Variants in SALL3 observed in about 807,000 individuals in gnomAD.
The protein encoded by SALL3 is spalt like transcription factor 3, also known as sal-like protein 3.
Under a neutral mutation model 66.2 loss-of-function variants are expected in SALL3, and 25 were observed. That is an observed-to-expected ratio of 0.38 (90% CI 0.28 to 0.53). SALL3 has a LOEUF of 0.53. Ranked by LOEUF, SALL3 falls within the 20% of genes least tolerant of loss-of-function variation. The pLI is 0.85. For synonymous variants in SALL3, 1,152 were observed against 899.1 expected, an observed-to-expected ratio of 1.28 and a Z score of -5.03; for missense variants, 2,194 against 1,916.5, an observed-to-expected ratio of 1.14 and a Z score of -2.70.
chr18:78,994,382 T>A lies in SALL3; in HGVS notation c.2391T>A (p.Asp797Glu). 1 of 1,613,260 alleles carries A rather than the reference T, an allele frequency of 6.2e-7. No individual in the cohort carries two copies. Among genetic ancestry groups the A allele is most frequent in the Non-Finnish European group, 8.5e-7 (1 of 1,179,984 alleles). Residue 797 changes from aspartate (D) to glutamate (E), a missense_variant, in exon 2 of 3, where the codon GAT (aspartate) becomes GAA (glutamate). Asp to Glu is a conservative substitution (Grantham distance 45, BLOSUM62 2). Transcript: ENST00000537592. ...DKNAETLSSY[D>E]DDMDENSMED... The stretch of plus-strand genomic sequence containing the variant: ...ACGCGGAGACCCTGAGCAGCTACGA[T>A]GACGACATGGACGAGAACTCCATGG...
Position 78,983,934 on chromosome 18 carries a change from C to CA in SALL3, c.82+3584dup, listed in dbSNP as rs138300140. On this transcript the variant is annotated intron_variant, in intron 1 of 2. Transcript: ENST00000537592. ...TAAAAGTGCACGTTTCTGTGATCAA[C>CA]AAAAAAGCATACCAATTAATTCCCA... Among the ~76,000 whole-genome samples, 437 of 152,238 alleles carry CA rather than the reference C, an allele frequency of 2.9e-3. 1 individual carries two copies. Among genetic ancestry groups the CA allele is most frequent in the African/African-American group, 0.01 (426 of 41,538 alleles).
intron 1 of SALL3, chr18:78,984,864 C>G (rs1225530577): frequency 6.6e-6 from 1 of 152,196 alleles, no homozygotes; most frequent in East Asian, 1.9e-4. Flanking sequence ...TCCGATAATG[C>G]CAGTGTGGTG....
In SALL3 at chr18:78,992,800, C is replaced by A; in HGVS notation, c.809C>A (p.Ala270Asp). 15 of 982,006 alleles carry A rather than the reference C, an allele frequency of 1.5e-5. No individual in the cohort carries two copies. The highest frequency in any genetic ancestry group is 1.8e-5 in the Non-Finnish European group (15 of 829,498). 60.8% of individuals were successfully genotyped at this position (982,006 alleles called of 1,614,324 possible). A position where few individuals can be genotyped will look rare whatever the true frequency, so the allele number is the denominator to read the frequency against. Residue 270 changes from alanine to aspartate, a missense_variant, in exon 2 of 3, where the codon GCC becomes GAC. Physicochemically the swap from Ala to Asp is moderately radical, Grantham distance 126. Transcript: ENST00000537592. Reference sequence around the variant, plus strand: ...GCCGCGCTCCCGCTGTCGGCCGGGGCCCCTGCCGCCGCCATCGCGGGCTCG... The same window carrying A: ...GCCGCGCTCCCGCTGTCGGCCGGGGACCCTGCCGCCGCCATCGCGGGCTCG... The part of the protein sequence containing the change: ...GLAALPLSAG[A>D]PAAAIAGSGP...
chr18:78,981,713 GC>G (rs1185780750), intron 1 of SALL3, among the ~76,000 whole-genome samples: 12 of 152,180 alleles, frequency 7.9e-5, no homozygotes, highest in Non-Finnish European at 1.6e-4. Context: ...AAAAAGAAAC[GC>G]TTGCATATGG....
At chr18:78,985,702 C>G (rs1914224854) in intron 1 of SALL3, among the ~76,000 whole-genome samples, 1 of 152,164 alleles carries the variant, frequency 6.6e-6, no homozygotes, top group African/African-American at 2.4e-5. Flanking sequence ...GGCTCATGTG[C>G]CCCTCTAGAG....
Position 78,993,508 on chromosome 18 carries a change from A to C in SALL3, c.1517A>C (p.Glu506Ala). 1 of 1,603,344 alleles carries C rather than the reference A, an allele frequency of 6.2e-7. No individual in the cohort carries two copies. The change falls in exon 2 of 3, where the codon GAG becomes GCG. Residue 506 changes from glutamate to alanine, a missense_variant. Physicochemically the swap from Glu to Ala is moderately radical, Grantham distance 107. Transcript: ENST00000537592. Reference protein sequence around the residue: ...GIPYGMSLPPEKPVTTWLDSK... With the variant: ...GIPYGMSLPPAKPVTTWLDSK... ...CCCTACGGCATGTCGCTGCCCCCCG[A>C]GAAGCCCGTGACCACCTGGCTGGAC...
intron 2 of SALL3, among the ~76,000 whole-genome samples, chr18:78,995,767 C>T (rs931861534): frequency 7.2e-5 from 11 of 152,050 alleles, no homozygotes; most frequent in African/African-American, 1.9e-4. Flanking sequence ...ATATTTATAA[C>T]GTGCGTGTGC....
intron 2 of SALL3, 112 bp downstream of exon 2, chr18:78,995,574 G>C: frequency 7.0e-7 from 1 of 1,437,694 alleles, no homozygotes; most frequent in Non-Finnish European, 9.1e-7. Context: ...TCCTGGCCAG[G>C]GGGGTGAGAT....
In SALL3 at chr18:78,992,942, C is replaced by T. The variant is rs1189285689; in HGVS notation, c.951C>T (p.Ala317=). 5.5e-6 allele frequency: 6 copies of T among 1,082,494 alleles called. No individual in the cohort carries two copies. Among genetic ancestry groups the T allele is most frequent in the Non-Finnish European group, 6.7e-6 (6 of 892,754 alleles). The allele number at this position is 1,082,494 out of a possible 1,614,324, so 67.1% of individuals were successfully genotyped here. ...GCGCGCCCGCCGCCCCCAGCGCCGC[C>T]CCTGCCCCCGCTGCCCCCGCCCCGG... ...EPSAPAAPSA[A]PAPAAPAPAP... is the part of the protein sequence containing the mutation. Residue 317 remains alanine, a synonymous_variant, in exon 2 of 3, where the codon GCC becomes GCT. Transcript: ENST00000537592.
At position 78,979,983 on chromosome 18, in the gene SALL3, C is replaced by T. The variant is rs1340030574; in HGVS notation, c.-292C>T. On this transcript the variant is annotated 5_prime_UTR_variant, in exon 1 of 3. Transcript: ENST00000537592. ...GTGAGGCGGCGCCGGGCAGCGCGCG[C>T]CCCGGTCCCGAGGCGCCGCGGCCCC... Among the ~76,000 whole-genome samples, 33 of 145,270 alleles carry T rather than the reference C, an allele frequency of 2.3e-4. No homozygotes were observed. The highest frequency in any genetic ancestry group is 6.1e-4 in the Admixed American group (9 of 14,686).
chr18:78,992,251 C>G lies in SALL3; in HGVS notation c.260C>G (p.Pro87Arg), dbSNP rs1914462989. The G allele has an allele frequency of 6.3e-7, 1 of 1,576,216 alleles. No individual in the cohort carries two copies. The highest frequency in any genetic ancestry group is 1.8e-5 in the Admixed American group (1 of 56,304). The change falls in exon 2 of 3, where the codon CCC becomes CGC. Residue 87 changes from proline to arginine, a missense_variant. Transcript: ENST00000537592. ...PPVLIVHEDA[P>R]APPPEDFPEP... is the part of the protein sequence containing the mutation. ...GTGCTGATCGTGCACGAGGACGCGC[C>G]CGCGCCGCCCCCCGAGGACTTCCCC...
chr18:78,994,373 C>T lies in SALL3; in HGVS notation c.2382C>T (p.Ser794=). Residue 794 remains serine, a synonymous_variant, in exon 2 of 3, where the codon AGC becomes AGT. Coordinates refer to ENST00000537592, the MANE Select transcript of SALL3 (RefSeq NM_171999.4). ...ACGACAAGAACGCGGAGACCCTGAG[C>T]AGCTACGATGACGACATGGACGAGA... The part of the protein sequence containing the change: ...AYDDKNAETL[S]SYDDDMDENS... 2.5e-6 allele frequency: 4 copies of T among 1,613,414 alleles called. No homozygotes were observed. Among genetic ancestry groups the T allele is most frequent in the East Asian group, 2.2e-5 (1 of 44,874 alleles).
In SALL3 at chr18:78,980,263, G is replaced by A; in HGVS notation, c.-12G>A. On this transcript the variant is annotated 5_prime_UTR_variant, in exon 1 of 3. Coordinates refer to ENST00000537592, the MANE Select transcript of SALL3 (RefSeq NM_171999.4). Reference sequence around the variant, plus strand: ...CCGCTGCCCCGCGCGGGGCCCGAGCGCCGCTAGCAGCATGTCTCGGCGCAA... The same window carrying A: ...CCGCTGCCCCGCGCGGGGCCCGAGCACCGCTAGCAGCATGTCTCGGCGCAA... The A allele has an allele frequency of 1.6e-6, 2 of 1,278,990 alleles. No individual in the cohort carries two copies. The highest frequency in any genetic ancestry group is 2.0e-6 in the Non-Finnish European group (2 of 996,290). The allele number at this position is 1,278,990 out of a possible 1,614,324, so 79.2% of individuals were successfully genotyped here. A position where few individuals can be genotyped will look rare whatever the true frequency, so the allele number is the denominator to read the frequency against.
chr18:78,993,310 G>C lies in SALL3; in HGVS notation c.1319G>C (p.Arg440Pro). The C allele has an allele frequency of 1.9e-6, 3 of 1,611,986 alleles. No homozygotes were observed. Among genetic ancestry groups the C allele is most frequent in the Non-Finnish European group, 2.5e-6 (3 of 1,179,806 alleles). ...GSDSALQIHL[R>P]SHTGERPFKC... is the part of the protein sequence containing the mutation. ...GACAGCGCGCTCCAGATCCACCTGC[G>C]CTCGCACACAGGCGAGCGGCCCTTC... Residue 440 changes from arginine (R) to proline (P), a missense_variant, in exon 2 of 3, where the codon CGC (arginine) becomes CCC (proline). Transcript: ENST00000537592.
In SALL3 at chr18:78,993,599, C is replaced by G; in HGVS notation, c.1608C>G (p.Gly536=). The stretch of plus-strand genomic sequence containing the variant: ...TGCAACTGCCGCCCACTGTCCCTGG[C>G]GCGCACGGCTACGCCGACTCTCCCA... The part of the protein sequence containing the change: ...VGLQLPPTVP[G]AHGYADSPSA... The change falls in exon 2 of 3, where the codon GGC becomes GGG. Residue 536 remains glycine, a synonymous_variant. Coordinates refer to ENST00000537592, the MANE Select transcript of SALL3 (RefSeq NM_171999.4). 1 of 1,586,382 alleles carries G rather than the reference C, an allele frequency of 6.3e-7. No individual in the cohort carries two copies. The highest frequency in any genetic ancestry group is 8.5e-7 in the Non-Finnish European group (1 of 1,173,036).
Position 78,995,002 on chromosome 18 carries a change from C to T in SALL3, c.3011C>T (p.Pro1004Leu), listed in dbSNP as rs766824875. Residue 1004 changes from proline (P) to leucine (L), a missense_variant, in exon 2 of 3, where the codon CCA (proline) becomes CTA (leucine). Transcript: ENST00000537592. ...TACCGCAGCCATACTAAGGAGCGGC[C>T]ATTCGTCTGCGCGCTCTGCAGGCGA... ...IHYRSHTKERPFVCALCRRGC... is the reference protein window; with the variant it reads ...IHYRSHTKERLFVCALCRRGC... 5 of 1,613,906 alleles carry T rather than the reference C, an allele frequency of 3.1e-6. No individual in the cohort carries two copies. Among genetic ancestry groups the T allele is most frequent in the Middle Eastern group, 1.6e-4 (1 of 6,062 alleles).
In SALL3 at chr18:78,992,591, A is replaced by C; in HGVS notation, c.600A>C (p.Ala200=). ...GSGAGGGVAA[A]AVPLILEQLM... is the part of the protein sequence containing the mutation. ...GAGCAGGTGGAGGCGTGGCAGCTGC[A>C]GCCGTGCCCCTGATCCTGGAACAGC... is the stretch of plus-strand genomic sequence containing the variant. Residue 200 remains alanine (A), a synonymous_variant, in exon 2 of 3, where the codon GCA becomes GCC. Transcript: ENST00000537592. The C allele has an allele frequency of 6.6e-7, 1 of 1,518,644 alleles. No individual in the cohort carries two copies. The highest frequency in any genetic ancestry group is 8.8e-7 in the Non-Finnish European group (1 of 1,141,342). 94.1% of individuals were successfully genotyped at this position (1,518,644 alleles called of 1,614,324 possible). A position where few individuals can be genotyped will look rare whatever the true frequency, so the allele number is the denominator to read the frequency against.
chr18:78,996,064 G>A (rs997862486), intron 2 of SALL3, among the ~76,000 whole-genome samples: 15 of 152,196 alleles, frequency 9.9e-5, no homozygotes, highest in African/African-American at 2.4e-5. Flanking sequence ...GTACCAAGGC[G>A]AGGCCACTCA....
intron 2 of SALL3, among the ~76,000 whole-genome samples, chr18:78,996,055 TACCAAGGC>T (rs1315292999): frequency 6.6e-6 from 1 of 152,130 alleles, no homozygotes; most frequent in Non-Finnish European, 1.5e-5. Flanking sequence ...ATACAAGCAG[TACCAAGGC>T]GAGGCCACTC....
Sources: allele counts gnomAD v4.1 joint callset (sites outside exome capture counted in the v4.1 genomes callset), GRCh38; gene constraint gnomAD v4.1.1; transcripts MANE v1.5; gene names NCBI Gene and HGNC (gene_info 2026-07-23, HGNC 2026-07-21).